The following SHPRH variants were observed in gnomAD, a reference collection of about 807,000 sequenced individuals.
SHPRH encodes E3 ubiquitin-protein ligase SHPRH.
SHPRH carries 106 observed loss-of-function variants against 202.5 expected under a neutral mutation model. The ratio of observed to expected loss-of-function variants is 0.52; its 90% CI spans 0.45 to 0.62. The LOEUF is 0.62. Ranked by LOEUF, SHPRH falls within the 20% of genes least tolerant of loss-of-function variation. The pLI is 0.00. For missense variants in SHPRH, 1,710 were observed against 2,020.0 expected, an observed-to-expected ratio of 0.85 and a Z score of 2.94; for synonymous variants, 729 against 686.0, an observed-to-expected ratio of 1.06 and a Z score of -0.98.
At chr6:145,936,336 CT>C (rs1329545979) in intron 11 of SHPRH, among the ~76,000 whole-genome samples, 1 of 151,854 alleles carries the variant, frequency 6.6e-6, no homozygotes, top group East Asian at 1.9e-4. Context: ...TTGTAATTTT[CT>C]TTTTGTTTTT....
At chr6:145,882,928 G>A (rs1780687024), downstream of SHPRH, among the ~76,000 whole-genome samples, 2 of 152,154 alleles carry the variant, frequency 1.3e-5, no homozygotes, top group Non-Finnish European at 2.9e-5. Context: ...AGAACTGTGT[G>A]CATATACAAA....
chr6:145,935,195 TATC>T, intron 12 of SHPRH, 32 bp from the exon 13 acceptor site: 1 of 1,591,266 alleles, frequency 6.3e-7, no homozygotes, highest in Non-Finnish European at 8.5e-7. Flanking sequence ...AAAAAAAAGA[TATC>T]ATCTAAAAAT....
Position 145,945,431 on chromosome 6 carries a change from A to G in SHPRH, c.1528T>C (p.Leu510=), listed in dbSNP as rs1183224484. Residue 510 remains leucine, a synonymous_variant, in exon 8 of 30, where the codon TTG becomes CTG. Coordinates refer to ENST00000275233, the MANE Select transcript of SHPRH (RefSeq NM_001042683.3). ...TCCTCTTCCTTGTAATTCTTTCCCAATGTAAAAGTCCCAGAAAAACCATGG... is the reference window on the plus strand; with the variant it reads ...TCCTCTTCCTTGTAATTCTTTCCCAGTGTAAAAGTCCCAGAAAAACCATGG... The part of the protein sequence containing the change: ...KGHGFSGTFT[L]GKNYKEEDIC... 1.9e-6 allele frequency: 3 copies of G among 1,612,770 alleles called. No homozygotes were observed. The highest frequency in any genetic ancestry group is 2.5e-6 in the Non-Finnish European group (3 of 1,179,426).
chr6:145,922,448 T>G, intron 19 of SHPRH, 100 bp from the exon 20 acceptor site: 1 of 1,318,858 alleles, frequency 7.6e-7, no homozygotes. Flanking sequence ...TTCTTTCCAC[T>G]AGATATGCCA....
chr6:145,934,934 C>T lies in SHPRH; in HGVS notation c.2963G>A (p.Arg988His). 1 of 1,607,296 alleles carries T rather than the reference C, an allele frequency of 6.2e-7. No homozygotes were observed. The highest frequency in any genetic ancestry group is 8.5e-7 in the Non-Finnish European group (1 of 1,174,448). ...TTTTTGGAGTGGCAAGAACTCTCCA[C>T]GAACAGCCTGTGGGTGACAGCAGGC... ...RQACCHPQAVRGEFLPLQKST... is the reference protein window; with the variant it reads ...RQACCHPQAVHGEFLPLQKST... The change falls in exon 13 of 30, where the codon CGT (arginine) becomes CAT (histidine). Residue 988 changes from arginine (R) to histidine (H), a missense_variant. By Grantham distance (29) the Arg-to-His change is conservative. This residue lies in a region of SHPRH where 23 missense variants were observed against 36.7 expected (regional missense o/e 0.63). Transcript: ENST00000275233.
At position 145,947,657 on chromosome 6, in the gene SHPRH, C is replaced by G. The variant is rs201268172; in HGVS notation, c.1062-14G>C. 164 of 1,610,696 alleles carry G rather than the reference C, an allele frequency of 1.0e-4. 2 individuals carry two copies. In the South Asian group the frequency reaches 1.6e-3, roughly 15 times the overall value. ...TCACGAATGATGCTGAGGAAAAAAACAAGATAAATCACATCATAGGAATGT... is the reference window on the plus strand; with the variant it reads ...TCACGAATGATGCTGAGGAAAAAAAGAAGATAAATCACATCATAGGAATGT... On this transcript the variant is annotated splice_polypyrimidine_tract_variant and intron_variant, in intron 5 of 29. Coordinates refer to ENST00000275233, the MANE Select transcript of SHPRH (RefSeq NM_001042683.3).
At chr6:145,919,607 G>A (rs1784252883) in intron 21 of SHPRH, 116 bp from the exon 22 acceptor site, 2 of 1,208,672 alleles carry the variant, frequency 1.7e-6, no homozygotes, top group Non-Finnish European at 2.3e-6. Flanking sequence ...TTTTCGCTAT[G>A]TGTCTAACGT....
chr6:145,939,387 A>G (rs924426643), intron 11 of SHPRH, among the ~76,000 whole-genome samples: 1 of 152,210 alleles, frequency 6.6e-6, no homozygotes, highest in Non-Finnish European at 1.5e-5. Context: ...TTATATCTCA[A>G]TGAAGTCCAA....
At chr6:145,938,537 C>T (rs1455420420) in intron 11 of SHPRH, among the ~76,000 whole-genome samples, 6 of 152,054 alleles carry the variant, frequency 3.9e-5, no homozygotes, top group South Asian at 2.1e-4. Context: ...TCAATACTTT[C>T]GAAGACATTA....
chr6:145,891,596 A>C (rs1202104851), intron 28 of SHPRH, among the ~76,000 whole-genome samples: 1 of 152,170 alleles, frequency 6.6e-6, no homozygotes, highest in African/African-American at 2.4e-5. Context: ...GAAGATACTC[A>C]ATAAAAATCT....
At chr6:145,918,107 A>G (rs1784110440) in intron 23 of SHPRH, 24 bp downstream of exon 23, 1 of 1,564,418 alleles carries the variant, frequency 6.4e-7, no homozygotes, top group African/African-American at 1.4e-5. Context: ...CATAGGAAAA[A>G]GTAGCATGTC....
chr6:145,913,364 A>T, intron 24 of SHPRH, 114 bp downstream of exon 24: 1 of 897,700 alleles, frequency 1.1e-6, no homozygotes, highest in Non-Finnish European at 1.7e-6. Flanking sequence ...TAATGGTAAT[A>T]CTTGCCTTTC....
rs774755193 is a variant in SHPRH at position 145,950,510 on chromosome 6, A to G, written c.764-28T>C. 32 of 1,599,640 alleles carry G rather than the reference A, an allele frequency of 2.0e-5. No individual in the cohort carries two copies. In the Admixed American group the frequency reaches 4.0e-4, roughly 20 times the overall value. On this transcript the variant is annotated intron_variant, in intron 3 of 29. Coordinates refer to ENST00000275233, the MANE Select transcript of SHPRH (RefSeq NM_001042683.3). ...GTACATCACACAGCAAATGTACTCA[A>G]AAACTGATAGGTTTTTTCTAACTAT...
intron 1 of SHPRH, among the ~76,000 whole-genome samples, chr6:145,961,948 A>G (rs1052033189): frequency 1.3e-5 from 2 of 152,228 alleles, no homozygotes; most frequent in African/African-American, 4.8e-5. Context: ...TAGTAAGTCA[A>G]GTACTGGTGA....
At chr6:145,958,263 A>T (rs1788709507) in intron 1 of SHPRH, among the ~76,000 whole-genome samples, 1 of 152,222 alleles carries the variant, frequency 6.6e-6, no homozygotes, top group Non-Finnish European at 1.5e-5. Flanking sequence ...AAACTCATCA[A>T]ATTATATACT....
chr6:145,886,413 A>T lies in SHPRH; in HGVS notation c.*278T>A. On this transcript the variant is annotated 3_prime_UTR_variant, in exon 30 of 30. Transcript: ENST00000275233. Reference sequence around the variant, plus strand: ...AAGAAAAGTACACATTACCTCTCTTAATTCCCTTGCATCATCAGATATAGA... The same window carrying T: ...AAGAAAAGTACACATTACCTCTCTTTATTCCCTTGCATCATCAGATATAGA... 1.3e-6 allele frequency: 1 copy of T among 763,368 alleles called. No individual in the cohort carries two copies. Among genetic ancestry groups the T allele is most frequent in the Non-Finnish European group, 2.4e-6 (1 of 413,896 alleles). 47.3% of individuals were successfully genotyped at this position (763,368 alleles called of 1,614,324 possible). A position where few individuals can be genotyped will look rare whatever the true frequency, so the allele number is the denominator to read the frequency against.
At chr6:145,891,687 A>G (rs1381237020) in intron 28 of SHPRH, among the ~76,000 whole-genome samples, 2 of 152,154 alleles carry the variant, frequency 1.3e-5, no homozygotes, top group Non-Finnish European at 2.9e-5. Flanking sequence ...ATCTGATTGT[A>G]TATGTTTCCC....
At chr6:145,923,065 A>G (rs1170913794) in intron 18 of SHPRH, among the ~76,000 whole-genome samples, 1 of 151,708 alleles carries the variant, frequency 6.6e-6, no homozygotes, top group Non-Finnish European at 1.5e-5. Context: ...TGTGCTCAGG[A>G]ACTGAAAAAG....
intron 2 of SHPRH, among the ~76,000 whole-genome samples, chr6:145,868,514 T>C (rs1212520753): frequency 6.6e-6 from 1 of 152,208 alleles, no homozygotes; most frequent in Non-Finnish European, 1.5e-5. Flanking sequence ...TTTTGTTGAA[T>C]GTTATTTTTT....
Sources: allele counts gnomAD v4.1 joint callset (sites outside exome capture counted in the v4.1 genomes callset), GRCh38; gene constraint gnomAD v4.1.1; regional missense constraint gnomAD v4.1.1; transcripts MANE v1.5; gene names NCBI Gene and HGNC (gene_info 2026-07-23, HGNC 2026-07-21).